The following IKBKG variants were observed in gnomAD, a reference collection of about 807,000 sequenced individuals.
IKBKG encodes the protein inhibitor of nuclear factor kappa B kinase regulatory subunit gamma.
A neutral mutation model predicts 13.7 loss-of-function variants in IKBKG; 2 were observed. That is an observed-to-expected ratio of 0.15 (90% CI 0.06 to 0.46). The LOEUF is 0.46. Ranked by LOEUF, IKBKG falls within the 20% of genes least tolerant of loss-of-function variation. The probability of loss-of-function intolerance (pLI) is 0.98; values close to 1 mark genes in which losing one functional copy is unlikely to be tolerated. For synonymous variants in IKBKG, 22 were observed against 64.4 expected, an observed-to-expected ratio of 0.34 and a Z score of 3.15; for missense variants, 53 against 150.3, an observed-to-expected ratio of 0.35 and a Z score of 3.39.
Position 154,551,045 on chromosome X carries a change from C to T in IKBKG, c.-15-943C>T, listed in dbSNP as rs782620228. 8.3e-4 allele frequency among the ~76,000 whole-genome samples: 91 copies of T among 110,240 alleles called. 1 individual carries two copies. The highest frequency in any genetic ancestry group is 4.6e-3 in the Middle Eastern group (1 of 218). On this transcript the variant is annotated intron_variant, in intron 1 of 9. Transcript: ENST00000594239. ...GCCAGGATGGTCTCAATCTCCTGACCTCATGATCCACCCGTGTCGGCCTCC... is the reference window on the plus strand; with the variant it reads ...GCCAGGATGGTCTCAATCTCCTGACTTCATGATCCACCCGTGTCGGCCTCC...
chrX:154,542,441 T>C, upstream of IKBKG: 2 of 1,185,480 alleles, frequency 1.7e-6, no homozygotes, highest in Non-Finnish European at 2.3e-6. Flanking sequence ...CAGAGCTTTC[T>C]GGAAGGGGGC....
intron 2 of IKBKG, among the ~76,000 whole-genome samples, chrX:154,555,659 A>C (rs987785956): frequency 4.6e-5 from 5 of 109,852 alleles, no homozygotes; most frequent in Non-Finnish European, 9.6e-5. Context: ...GGCTCACTGC[A>C]ACCTCCACCT....
intron 2 of IKBKG, among the ~76,000 whole-genome samples, chrX:154,553,454 A>G (rs2070989126): frequency 8.9e-6 from 1 of 112,560 alleles, no homozygotes; most frequent in South Asian, 3.6e-4. Context: ...GTCTCCTCTT[A>G]CTGTCAAGGC....
chrX:154,545,871 T>A, upstream of IKBKG: 13 of 507,418 alleles, frequency 2.6e-5, no homozygotes, highest in Non-Finnish European at 3.9e-5. Flanking sequence ...TGCAAGTGCA[T>A]ATGCACACCA....
chrX:154,546,963 CGGGCG>C, upstream of IKBKG: 4 of 331,110 alleles, frequency 1.2e-5, no homozygotes, highest in South Asian at 2.8e-4. Context: ...ACCCCTCGTG[CGGGCG>C]GGGCGGGGCG....
chrX:154,554,365 G>A (rs910030679), intron 2 of IKBKG, among the ~76,000 whole-genome samples: 6 of 112,401 alleles, frequency 5.3e-5, no homozygotes, highest in African/African-American at 1.9e-4. Flanking sequence ...TAGTGCGGAT[G>A]GTTGCACAAC....
intron 1 of IKBKG, among the ~76,000 whole-genome samples, chrX:154,550,279 A>T (rs181011447): frequency 2.7e-4 from 27 of 100,419 alleles, no homozygotes; most frequent in South Asian, 1.0e-3. Context: ...TGTGTGTGTG[A>T]GAGAGAGAGA....
intron 1 of IKBKG, among the ~76,000 whole-genome samples, chrX:154,548,247 A>G (rs1490496493): frequency 8.9e-6 from 1 of 112,294 alleles, no homozygotes; most frequent in Non-Finnish European, 1.9e-5. Flanking sequence ...AGGGGAGCAC[A>G]GTTGGAGAGG....
chrX:154,550,359 G>A (rs1393074621), intron 1 of IKBKG, among the ~76,000 whole-genome samples: 3 of 98,109 alleles, frequency 3.1e-5, no homozygotes, highest in Non-Finnish European at 6.1e-5. Flanking sequence ...GAAGGCCTTG[G>A]GTAGATCTGG....
chrX:154,543,720 C>T (rs782172203), upstream of IKBKG, among the ~76,000 whole-genome samples: 101 of 110,072 alleles, frequency 9.2e-4, 1 homozygote, highest in Non-Finnish European at 1.7e-3. Context: ...GATGGAGTCT[C>T]ACTCACTCCG....
chrX:154,547,531 C>G (rs1454863746), upstream of IKBKG: 3 of 754,068 alleles, frequency 4.0e-6, no homozygotes, highest in African/African-American at 6.9e-5. Flanking sequence ...GGATGCGGCC[C>G]TACCGCGGCC....
intron 1 of IKBKG, chrX:154,547,950 C>T: frequency 2.6e-6 from 2 of 755,087 alleles, no homozygotes; most frequent in Non-Finnish European, 3.1e-6. Flanking sequence ...CCTCCCTCCT[C>T]CTCCACTGCG....
chrX:154,555,589 C>CT (rs1290139829), intron 2 of IKBKG, among the ~76,000 whole-genome samples: 21 of 111,551 alleles, frequency 1.9e-4, no homozygotes, highest in African/African-American at 6.5e-4. Flanking sequence ...TACTTTTTTT[C>CT]TTTTTTTTGA....
chrX:154,548,943 C>T lies in IKBKG; in HGVS notation c.-16+1198C>T, dbSNP rs187341997. On this transcript the variant is annotated intron_variant, in intron 1 of 9. Coordinates refer to ENST00000594239, the MANE Select transcript of IKBKG (RefSeq NM_001099857.5). Reference sequence around the variant, plus strand: ...AACTTCTGACTAATTTTGTTTATATCCCTCGCAATCCTCTCCCATTATTAT... The same window carrying T: ...AACTTCTGACTAATTTTGTTTATATTCCTCGCAATCCTCTCCCATTATTAT... Among the ~76,000 whole-genome samples, 8 of 109,835 alleles carry T rather than the reference C, an allele frequency of 7.3e-5. No individual in the cohort carries two copies. In the East Asian group the frequency reaches 2.3e-3, roughly 31 times the overall value.
intron 2 of IKBKG, 64 bp downstream of exon 2, chrX:154,552,253 TC>T (rs782207277): frequency 6.0e-6 from 6 of 992,815 alleles, no homozygotes; most frequent in Non-Finnish European, 8.2e-6. Flanking sequence ...CACCTGCACC[TC>T]TGCGTTTCCT....
intron 2 of IKBKG, among the ~76,000 whole-genome samples, chrX:154,553,302 C>A (rs1326934808): frequency 8.9e-6 from 1 of 112,423 alleles, no homozygotes; most frequent in East Asian, 2.8e-4. Context: ...TGTCATGGGC[C>A]CACTCCCCCG....
At chrX:154,546,002 T>C (rs2070699993), upstream of IKBKG, 1 of 1,206,565 alleles carries the variant, frequency 8.3e-7, no homozygotes, top group Non-Finnish European at 1.1e-6. Context: ...AGGCACTTCC[T>C]GGCTTTTAAG....
upstream of IKBKG, among the ~76,000 whole-genome samples, chrX:154,543,871 T>TA (rs1462213145): frequency 4.9e-5 from 5 of 101,754 alleles, no homozygotes; most frequent in African/African-American, 1.8e-4. Flanking sequence ...TTTTTGTTAT[T>TA]TTTTTTTTTT....
chrX:154,547,822 G>A, intron 1 of IKBKG, 77 bp downstream of exon 1: 8 of 755,115 alleles, frequency 1.1e-5, no homozygotes, highest in Non-Finnish European at 1.3e-5. Context: ...CGGACGTTCA[G>A]GCTCCCCCCT....
Sources: gnomAD v4.1 joint callset for allele counts (sites outside exome capture counted in the v4.1 genomes callset) on GRCh38, gnomAD v4.1.1 for gene constraint, MANE v1.5 for transcripts, NCBI Gene and HGNC (gene_info 2026-07-23, HGNC 2026-07-21) for gene names.